FBXW4: variants seen among roughly 807,000 people sequenced by gnomAD.
The protein encoded by FBXW4 is F-box/WD repeat-containing protein 4.
A neutral mutation model predicts 61.8 loss-of-function variants in FBXW4; 40 were observed. The observed-to-expected ratio is 0.65, with a 90% confidence interval of 0.50 to 0.84. FBXW4 has a LOEUF of 0.84. Among genes scored for constraint, FBXW4 ranks in the 40% least tolerant of loss-of-function variants. The probability of loss-of-function intolerance (pLI) is 0.00; values close to 1 mark genes in which losing one functional copy is unlikely to be tolerated. For missense variants in FBXW4, 672 were observed against 753.8 expected, an observed-to-expected ratio of 0.89 and a Z score of 1.27; for synonymous variants, 311 against 313.8, an observed-to-expected ratio of 0.99 and a Z score of 0.10.
intron 5 of FBXW4, among the ~76,000 whole-genome samples, chr10:101,646,108 T>A (rs749264085): frequency 1.3e-5 from 2 of 152,200 alleles, no homozygotes; most frequent in Admixed American, 6.5e-5. Context: ...AGAGCATCAA[T>A]TGGGATTCTT....
intron 5 of FBXW4, among the ~76,000 whole-genome samples, chr10:101,657,326 G>C (rs143859921): frequency 6.6e-6 from 1 of 152,004 alleles, no homozygotes; most frequent in South Asian, 2.1e-4. Context: ...GAAATAAAAC[G>C]CCTACTTCCA....
chr10:101,687,788 C>T (rs1256663715), intron 1 of FBXW4, among the ~76,000 whole-genome samples: 2 of 152,152 alleles, frequency 1.3e-5, no homozygotes, highest in Admixed American at 1.3e-4. Flanking sequence ...TGCCCAATAT[C>T]CCTTGCCCAA....
intron 5 of FBXW4, among the ~76,000 whole-genome samples, chr10:101,634,891 C>T (rs2063988359): frequency 6.7e-6 from 1 of 149,136 alleles, no homozygotes. Flanking sequence ...CAGACCTAAC[C>T]TACAAATAAC....
chr10:101,686,242 A>G (rs2064532145), intron 1 of FBXW4, among the ~76,000 whole-genome samples: 1 of 152,160 alleles, frequency 6.6e-6, no homozygotes, highest in African/African-American at 2.4e-5. Flanking sequence ...AAAGAATTTT[A>G]TGGTCAAAAC....
At chr10:101,623,758 C>T (rs1221545500) in intron 6 of FBXW4, among the ~76,000 whole-genome samples, 2 of 152,156 alleles carry the variant, frequency 1.3e-5, no homozygotes, top group Admixed American at 6.5e-5. Flanking sequence ...GAGGAATGCA[C>T]TATTGATACA....
intron 5 of FBXW4, among the ~76,000 whole-genome samples, chr10:101,630,902 A>G (rs1302353813): frequency 6.6e-6 from 1 of 152,242 alleles, no homozygotes; most frequent in Non-Finnish European, 1.5e-5. Context: ...AATGCCCTCT[A>G]GAGCGCAGCT....
chr10:101,645,586 C>G (rs1203640591), intron 5 of FBXW4, among the ~76,000 whole-genome samples: 1 of 152,226 alleles, frequency 6.6e-6, no homozygotes, highest in African/African-American at 2.4e-5. Context: ...GAGCGGGGAA[C>G]AGACAAAGAC....
At chr10:101,678,989 A>G (rs1038868736) in intron 1 of FBXW4, among the ~76,000 whole-genome samples, 2 of 152,224 alleles carry the variant, frequency 1.3e-5, no homozygotes, top group Non-Finnish European at 2.9e-5. Flanking sequence ...AAACACACAC[A>G]CACAGATAGT....
intron 5 of FBXW4, among the ~76,000 whole-genome samples, chr10:101,643,181 CA>C (rs1442310765): frequency 6.6e-6 from 1 of 152,188 alleles, no homozygotes; most frequent in East Asian, 1.9e-4. Flanking sequence ...TCACCTCATC[CA>C]AACAACATGG....
chr10:101,624,876 A>C, intron 5 of FBXW4, 66 bp from the exon 6 acceptor site: 1 of 1,539,806 alleles, frequency 6.5e-7, no homozygotes, highest in Non-Finnish European at 9.0e-7. Context: ...AATGGCTAAC[A>C]ATGGGAAATG....
At chr10:101,648,904 T>C (rs2064123262) in intron 5 of FBXW4, among the ~76,000 whole-genome samples, 1 of 152,190 alleles carries the variant, frequency 6.6e-6, no homozygotes, top group African/African-American at 2.4e-5. Flanking sequence ...ACCTCCTTTT[T>C]ATCATCAAGG....
At chr10:101,626,983 C>T (rs1417317375) in intron 5 of FBXW4, 1 of 151,660 alleles carries the variant, frequency 6.6e-6, no homozygotes, top group Non-Finnish European at 1.5e-5. Flanking sequence ...GGCCCACCCA[C>T]ATCTGGCCCT....
chr10:101,630,865 C>T (rs1350318769), intron 5 of FBXW4, among the ~76,000 whole-genome samples: 1 of 152,238 alleles, frequency 6.6e-6, no homozygotes, highest in Non-Finnish European at 1.5e-5. Context: ...AAACATCCCA[C>T]CTTGCAGGTG....
Position 101,673,561 on chromosome 10 carries a change from C to T in FBXW4, c.934G>A (p.Gly312Arg), listed in dbSNP as rs780572665. The change falls in exon 3 of 9, where the codon GGA (glycine) becomes AGA (arginine). Residue 312 changes from glycine (G) to arginine (R), a missense_variant. Gly to Arg is a moderately radical substitution (Grantham distance 125, BLOSUM62 -2). This residue lies in a region of FBXW4 where 312 missense variants were observed against 370.1 expected (regional missense o/e 0.84). Coordinates refer to ENST00000331272, the MANE Select transcript of FBXW4 (RefSeq NM_022039.4). ...TCCTCATCATGCCCAGCAAAGACTC[C>T]CAGAGGCCGACGATTCAAGCTGGCA... ...DGASLNRRPL[G>R]VFAGHDEDVC... The T allele has an allele frequency of 3.1e-6, 5 of 1,613,946 alleles. No homozygotes were observed. The Admixed American group carries it at 6.7e-5, about 22-fold the overall frequency.
Position 101,611,901 on chromosome 10 carries a change from C to A in FBXW4, c.1443-132G>T. 1 of 1,118,816 alleles carries A rather than the reference C, an allele frequency of 8.9e-7. No homozygotes were observed. The highest frequency in any genetic ancestry group is 1.2e-6 in the Non-Finnish European group (1 of 810,644). The allele number at this position is 1,118,816 out of a possible 1,614,324, so 69.3% of individuals were successfully genotyped here. A position where few individuals can be genotyped will look rare whatever the true frequency, so the allele number is the denominator to read the frequency against. On this transcript the variant is annotated intron_variant, in intron 7 of 8. Transcript: ENST00000331272. This position sits in a 1 kb window ranked among gnomAD's most constrained non-coding sequence, Gnocchi z 4.9. ...GGATGGAAGAGAAAGAAGCCTAAAT[C>A]ATCAGATTCATCAAAAACCGAACTT...
rs776370078 is a variant in FBXW4, at chr10:101,611,677, T to C, written c.1535A>G (p.Tyr512Cys). The C allele has an allele frequency of 6.2e-7, 1 of 1,614,196 alleles. No homozygotes were observed. The highest frequency in any genetic ancestry group is 8.5e-7 in the Non-Finnish European group (1 of 1,180,026). ...GNHLLATGSS[Y>C]YGVVRLWDRR... ...GTCCCACAGCCGTACAACACCGTAG[T>C]AGGAGGAACCTGTGGCCAGCAGGTG... is the stretch of plus-strand genomic sequence containing the variant. The change falls in exon 8 of 9, where the codon TAC becomes TGC. Residue 512 changes from tyrosine to cysteine, a missense_variant. Transcript: ENST00000331272. This position sits in a 1 kb window ranked among gnomAD's most constrained non-coding sequence, Gnocchi z 4.9.
At chr10:101,666,058 G>A (rs998161420) in intron 5 of FBXW4, among the ~76,000 whole-genome samples, 8 of 152,074 alleles carry the variant, frequency 5.3e-5, no homozygotes, top group African/African-American at 7.2e-5. Context: ...TTCAGCCCAC[G>A]GATACCCAGG....
chr10:101,647,425 G>A (rs2064110218), intron 5 of FBXW4, among the ~76,000 whole-genome samples: 1 of 152,178 alleles, frequency 6.6e-6, no homozygotes, highest in South Asian at 2.1e-4. Flanking sequence ...AGTTGCTAAA[G>A]CCTGGGAATC....
At chr10:101,687,270 G>A (rs950551024) in intron 1 of FBXW4, among the ~76,000 whole-genome samples, 4 of 151,862 alleles carry the variant, frequency 2.6e-5, no homozygotes, top group East Asian at 1.9e-4. Context: ...TACCCCCTTC[G>A]GACTGCTCCC....
Sources: gnomAD v4.1 joint callset for allele counts (sites outside exome capture counted in the v4.1 genomes callset) on GRCh38, gnomAD v4.1.1 for gene constraint, gnomAD v4.1.1 regional missense constraint, Gnocchi (gnomAD v3.1) non-coding constraint, MANE v1.5 for transcripts, NCBI Gene and HGNC (gene_info 2026-07-23, HGNC 2026-07-21) for gene names.